CNTNAP5: variants seen among roughly 807,000 people sequenced by gnomAD.
CNTNAP5 encodes contactin-associated protein-like 5.
In CNTNAP5, 72 loss-of-function variants were observed where a neutral mutation model predicts 150.2. The ratio of observed to expected loss-of-function variants is 0.48; its 90% CI spans 0.40 to 0.58. CNTNAP5 has a LOEUF of 0.58. CNTNAP5 is among the 20% of genes least tolerant of loss of function. The probability of loss-of-function intolerance (pLI) is 0.00; values close to 1 mark genes in which losing one functional copy is unlikely to be tolerated. For synonymous variants in CNTNAP5, 672 were observed against 619.8 expected, an observed-to-expected ratio of 1.08 and a Z score of -1.25; for missense variants, 1,636 against 1,626.2, an observed-to-expected ratio of 1.01 and a Z score of -0.10.
intron 10 of CNTNAP5, among the ~76,000 whole-genome samples, chr2:124,550,091 C>T (rs905253919): frequency 9.2e-5 from 14 of 152,220 alleles, no homozygotes; most frequent in African/African-American, 3.4e-4. Flanking sequence ...CAGAGTTAGC[C>T]TGGAGCTAAA....
At chr2:124,045,267 C>T (rs531902025) in intron 1 of CNTNAP5, among the ~76,000 whole-genome samples, 1 of 149,740 alleles carries the variant, frequency 6.7e-6, no homozygotes, top group Admixed American at 6.8e-5. Flanking sequence ...ATGTCTTTCG[C>T]CAAACTTTGA....
At chr2:124,565,824 C>T (rs1696011197) in intron 11 of CNTNAP5, among the ~76,000 whole-genome samples, 1 of 152,016 alleles carries the variant, frequency 6.6e-6, no homozygotes, top group Admixed American at 6.5e-5. Flanking sequence ...TGGTCTTGAT[C>T]TCCTGAACTC....
Position 124,911,532 on chromosome 2 carries a change from A to T in CNTNAP5, c.3721A>T (p.Ile1241Phe). Residue 1241 changes from isoleucine (I) to phenylalanine (F), a missense_variant, in exon 23 of 24, where the codon ATC becomes TTC. By Grantham distance (21) the Ile-to-Phe change is conservative. Transcript: ENST00000682447. ...TNAVRSDSAV[I>F]GGVIAVVIFI... ...TGCTGTTCGAAGTGATTCGGCAGTCATCGGAGGTAAACAATTCATTGTTGT... is the reference window on the plus strand; with the variant it reads ...TGCTGTTCGAAGTGATTCGGCAGTCTTCGGAGGTAAACAATTCATTGTTGT... The T allele has an allele frequency of 1.3e-6, 2 of 1,595,132 alleles. No homozygotes were observed. Among genetic ancestry groups the T allele is most frequent in the East Asian group, 4.5e-5 (2 of 44,138 alleles).
At chr2:124,244,909 CCCAAT>C (rs915916638) in intron 3 of CNTNAP5, among the ~76,000 whole-genome samples, 1 of 152,128 alleles carries the variant, frequency 6.6e-6, no homozygotes, top group Admixed American at 6.6e-5. Flanking sequence ...GCTCACAGAG[CCCAAT>C]CCAAGCTCAC....
At chr2:124,783,683 T>G (rs1347681099) in intron 17 of CNTNAP5, among the ~76,000 whole-genome samples, 1 of 152,180 alleles carries the variant, frequency 6.6e-6, no homozygotes, top group Non-Finnish European at 1.5e-5. Context: ...GCATTTGGTT[T>G]GAGGTGTCAA....
intron 3 of CNTNAP5, among the ~76,000 whole-genome samples, chr2:124,371,015 C>A (rs1170649755): frequency 6.6e-6 from 1 of 151,970 alleles, no homozygotes; most frequent in African/African-American, 2.4e-5. Flanking sequence ...GAAAGCTTAG[C>A]GGAGACTGTT....
chr2:124,540,170 C>A lies in CNTNAP5; in HGVS notation c.1649+12714C>A, dbSNP rs1160747289. Among the ~76,000 whole-genome samples, 5 of 152,262 alleles carry A rather than the reference C, an allele frequency of 3.3e-5. No individual in the cohort carries two copies. In the East Asian group the frequency reaches 9.7e-4, roughly 29 times the overall value. On this transcript the variant is annotated intron_variant, in intron 10 of 23. Transcript: ENST00000682447. Reference sequence around the variant, plus strand: ...TTATTATGACAAAATGTTAGAATCACCTTGCTACCTGCTTTTACCTATGCT... The same window carrying A: ...TTATTATGACAAAATGTTAGAATCAACTTGCTACCTGCTTTTACCTATGCT...
chr2:124,841,204 T>C (rs181804660), intron 19 of CNTNAP5, among the ~76,000 whole-genome samples: 4 of 152,046 alleles, frequency 2.6e-5, no homozygotes, highest in Admixed American at 1.3e-4. Flanking sequence ...ATAAATAACA[T>C]TGGGAAAAAG....
chr2:124,372,999 C>T (rs1418435085), intron 3 of CNTNAP5, among the ~76,000 whole-genome samples: 1 of 151,974 alleles, frequency 6.6e-6, no homozygotes, highest in Non-Finnish European at 1.5e-5. Context: ...ACAAAGATGA[C>T]AAAAATTATA....
At chr2:124,487,799 T>C (rs1693922947) in intron 7 of CNTNAP5, among the ~76,000 whole-genome samples, 3 of 152,072 alleles carry the variant, frequency 2.0e-5, no homozygotes, top group Admixed American at 2.0e-4. Context: ...CTAGGCTTTT[T>C]TTTCCCCCAT....
chr2:124,908,460 T>C (rs1354531092), intron 22 of CNTNAP5, among the ~76,000 whole-genome samples: 1 of 152,110 alleles, frequency 6.6e-6, no homozygotes, highest in Non-Finnish European at 1.5e-5. Flanking sequence ...TGATTCAGAT[T>C]TGAATACAGT....
chr2:124,095,362 G>A (rs1006576846), intron 1 of CNTNAP5, among the ~76,000 whole-genome samples: 22 of 152,212 alleles, frequency 1.4e-4, no homozygotes, highest in African/African-American at 5.3e-4. Context: ...CGGGCTAGGG[G>A]AGGGAGAGCA....
At chr2:124,525,195 T>C (rs1450669764) in intron 9 of CNTNAP5, among the ~76,000 whole-genome samples, 2 of 152,364 alleles carry the variant, frequency 1.3e-5, no homozygotes, top group East Asian at 1.9e-4. Context: ...TAAAAATTAA[T>C]ATCTAATTTC....
At chr2:124,359,133 G>A (rs926628080) in intron 3 of CNTNAP5, among the ~76,000 whole-genome samples, 5 of 152,168 alleles carry the variant, frequency 3.3e-5, no homozygotes, top group African/African-American at 4.8e-5. Flanking sequence ...TTGCATTTCT[G>A]TGGGATCGGC....
At chr2:124,358,584 C>A (rs1350997996) in intron 3 of CNTNAP5, among the ~76,000 whole-genome samples, 4 of 152,116 alleles carry the variant, frequency 2.6e-5, no homozygotes, top group African/African-American at 9.7e-5. Flanking sequence ...GTCTTTGGCT[C>A]TGTTTATATG....
intron 3 of CNTNAP5, among the ~76,000 whole-genome samples, chr2:124,410,559 C>T (rs1184158993): frequency 6.9e-6 from 1 of 144,210 alleles, no homozygotes; most frequent in Non-Finnish European, 1.5e-5. Flanking sequence ...CAAACTAGAA[C>T]TCAGGATTAA....
chr2:124,682,356 CA>C, intron 13 of CNTNAP5, among the ~76,000 whole-genome samples: 1 of 152,304 alleles, frequency 6.6e-6, no homozygotes, highest in African/African-American at 2.4e-5. Context: ...TGCTTCTCCC[CA>C]AACCAGCTGA....
At chr2:124,822,164 T>G (rs1016649222) in intron 19 of CNTNAP5, among the ~76,000 whole-genome samples, 2 of 152,164 alleles carry the variant, frequency 1.3e-5, no homozygotes, top group Non-Finnish European at 2.9e-5. Context: ...CTCTGTAGCC[T>G]CAGGACTTAT....
chr2:124,566,437 G>A (rs76382985), intron 11 of CNTNAP5, among the ~76,000 whole-genome samples: 1 of 152,162 alleles, frequency 6.6e-6, no homozygotes, highest in South Asian at 2.1e-4. Flanking sequence ...TTAAAAAAAA[G>A]TGTGAAGTTG....
Sources: allele counts gnomAD v4.1 joint callset (sites outside exome capture counted in the v4.1 genomes callset), GRCh38; gene constraint gnomAD v4.1.1; transcripts MANE v1.5; gene names NCBI Gene and HGNC (gene_info 2026-07-23, HGNC 2026-07-21).